Variants in TTC3 observed in about 807,000 individuals in gnomAD.
TTC3 encodes the protein tetratricopeptide repeat domain 3.
TTC3 carries 180 observed loss-of-function variants against 249.6 expected under a neutral mutation model. The ratio of observed to expected loss-of-function variants is 0.72; its 90% CI spans 0.64 to 0.82. The LOEUF (loss-of-function observed/expected upper bound fraction) is 0.82, where lower values mean the gene tolerates loss of function less well. TTC3 is among the 40% of genes least tolerant of loss of function. The pLI is 0.00. For missense variants in TTC3, 2,061 were observed against 2,398.4 expected (o/e 0.86, Z 2.94); for synonymous variants, 717 against 805.0 (o/e 0.89, Z 1.85).
intron 11 of TTC3, among the ~76,000 whole-genome samples, chr21:37,120,529 T>A (rs2076499427): frequency 6.6e-6 from 1 of 152,202 alleles, no homozygotes; most frequent in Admixed American, 6.5e-5. Context: ...CCGTAAATGC[T>A]TAGGGGATAG....
At chr21:37,084,763 G>A (rs574037359) in intron 1 of TTC3, among the ~76,000 whole-genome samples, 110 of 152,322 alleles carry the variant, frequency 7.2e-4, no homozygotes, top group African/African-American at 2.6e-3. Context: ...GGGAGGCCGA[G>A]GCGGGCGGAT....
intron 10 of TTC3, chr21:37,097,929 G>A (rs2074105130): frequency 1.4e-6 from 1 of 712,680 alleles, no homozygotes; most frequent in African/African-American, 1.8e-5. Context: ...CATTCTCATG[G>A]TAGAAAATTT....
chr21:37,077,119 A>G (rs1260607428), intron 1 of TTC3, among the ~76,000 whole-genome samples: 4 of 151,694 alleles, frequency 2.6e-5, no homozygotes, highest in Non-Finnish European at 5.9e-5. Context: ...TTATGTTATC[A>G]GGGTATATTT....
chr21:37,160,851 A>T (rs2080665893), exon 30 of TTC3: 1 of 1,612,814 alleles, frequency 6.2e-7, no homozygotes, highest in Non-Finnish European at 8.5e-7. Flanking sequence ...AAGCCAAAGG[A>T]TTCAAAGGTA....
chr21:37,092,269 A>G (rs902490745), intron 7 of TTC3, among the ~76,000 whole-genome samples: 20 of 152,240 alleles, frequency 1.3e-4, no homozygotes, highest in African/African-American at 4.1e-4. Flanking sequence ...AGATAAAGGC[A>G]AATTTTGCAC....
intron 6 of TTC3, chr21:37,090,694 C>A: frequency 4.5e-6 from 1 of 224,558 alleles, no homozygotes; most frequent in Non-Finnish European, 7.4e-6. Flanking sequence ...TACCTTAAGC[C>A]CATTGTTAAC....
intron 41 of TTC3, among the ~76,000 whole-genome samples, chr21:37,193,406 G>C (rs1278249343): frequency 1.3e-5 from 2 of 151,080 alleles, no homozygotes; most frequent in Admixed American, 1.3e-4. Context: ...TGACCACCCT[G>C]AACTGAGTAA....
chr21:37,169,847 C>CA (rs58976598), intron 34 of TTC3, among the ~76,000 whole-genome samples: 1,885 of 115,470 alleles, frequency 0.016, 29 homozygotes, highest in African/African-American at 0.048. Flanking sequence ...GACTCTGTCT[C>CA]AAAAAAAAAA....
At chr21:37,182,318 G>T (rs2082832864) in intron 35 of TTC3, among the ~76,000 whole-genome samples, 1 of 152,138 alleles carries the variant, frequency 6.6e-6, no homozygotes, top group Non-Finnish European at 1.5e-5. Flanking sequence ...CTCCAAAGAG[G>T]TTTTCATTTC....
intron 1 of TTC3, among the ~76,000 whole-genome samples, chr21:37,080,412 A>T (rs2071476397): frequency 6.6e-6 from 1 of 151,424 alleles, no homozygotes; most frequent in East Asian, 1.9e-4. Flanking sequence ...TACATAGTGA[A>T]TTATTAGAAC....
rs1020095490 is a variant in TTC3, at chr21:37,073,411, T to G, written c.-12+47T>G. ...TGCCGGGCTCCCGGATGTGTCACCT[T>G]GTCCCGCTGCAGCCGAGATGCCGGG... On this transcript the variant is annotated intron_variant, in intron 1 of 45. Transcript: ENST00000355666. 4.3e-5 allele frequency: 42 copies of G among 986,764 alleles called. 1 individual carries two copies. The East Asian group carries it at 2.3e-3, about 53-fold the overall frequency. The allele number at this position is 986,764 out of a possible 1,614,324, so 61.1% of individuals were successfully genotyped here. A position where few individuals can be genotyped will look rare whatever the true frequency, so the allele number is the denominator to read the frequency against.
chr21:37,172,343 T>C (rs1436393960), intron 34 of TTC3, among the ~76,000 whole-genome samples: 1 of 152,192 alleles, frequency 6.6e-6, no homozygotes, highest in Non-Finnish European at 1.5e-5. Flanking sequence ...AAAGCAAATA[T>C]TCAGAACTAA....
At chr21:37,154,962 T>G (rs113223868) in intron 27 of TTC3, among the ~76,000 whole-genome samples, 1 of 152,190 alleles carries the variant, frequency 6.6e-6, no homozygotes, top group African/African-American at 2.4e-5. Context: ...CCTAAAGTGC[T>G]GGGATTACAG....
exon 4 of TTC3, chr21:37,088,212 T>G (rs1023130019): frequency 6.2e-7 from 1 of 1,605,906 alleles, no homozygotes; most frequent in African/African-American, 1.3e-5. Context: ...ACATCTGCAG[T>G]ATATGGTGTA....
chr21:37,088,806 C>T (rs140437979), exon 5 of TTC3: 59 of 1,611,662 alleles, frequency 3.7e-5, no homozygotes, highest in East Asian at 1.3e-4. Flanking sequence ...AAGCAATTCA[C>T]GTGCTTCTGA....
chr21:37,183,055 T>TA, intron 36 of TTC3, 142 bp downstream of exon 36: 4 of 804,754 alleles, frequency 5.0e-6, no homozygotes, highest in Non-Finnish European at 7.2e-6. Context: ...TTGTCTCATT[T>TA]AAAAAAGTAT....
chr21:37,120,284 G>A (rs1415800662), intron 11 of TTC3, among the ~76,000 whole-genome samples: 1 of 152,150 alleles, frequency 6.6e-6, no homozygotes, highest in Non-Finnish European at 1.5e-5. Flanking sequence ...TTTAATTTAA[G>A]CTTCATTGAA....
At chr21:37,096,935 A>T (rs529156863) in intron 10 of TTC3, 1 of 248,824 alleles carries the variant, frequency 4.0e-6, no homozygotes, top group Non-Finnish European at 7.7e-6. Flanking sequence ...CACATTTTAC[A>T]TGACCAAAGT....
chr21:37,107,154 T>G (rs2075164300), intron 10 of TTC3, among the ~76,000 whole-genome samples: 1 of 148,638 alleles, frequency 6.7e-6, no homozygotes. Flanking sequence ...TTGTTCTTCC[T>G]TGTAATCTCT....
Sources: gnomAD v4.1 joint callset for allele counts (sites outside exome capture counted in the v4.1 genomes callset) on GRCh38, gnomAD v4.1.1 for gene constraint, MANE v1.5 for transcripts, NCBI Gene and HGNC (gene_info 2026-07-23, HGNC 2026-07-21) for gene names.